Variants in PKHD1 observed in about 807,000 individuals in gnomAD.
PKHD1 encodes fibrocystin.
A neutral mutation model predicts 412.0 loss-of-function variants in PKHD1; 291 were observed. The observed-to-expected ratio is 0.71, with a 90% CI of 0.64 to 0.78. The LOEUF (loss-of-function observed/expected upper bound fraction) is 0.78, where lower values mean the gene tolerates loss of function less well. PKHD1 is among the 30% of genes least tolerant of loss of function. PKHD1 has a pLI of 0.00. For missense variants in PKHD1, 4,825 were observed against 4,950.7 expected, an observed-to-expected ratio of 0.97 and a Z score of 0.76; for synonymous variants, 1,777 against 1,821.5, an observed-to-expected ratio of 0.98 and a Z score of 0.62.
At chr6:51,868,140 A>G in intron 47 of PKHD1, 31 bp from the exon 48 acceptor site, 1 of 1,579,866 alleles carries the variant, frequency 6.3e-7, no homozygotes, top group South Asian at 1.1e-5. Flanking sequence ...AGATTATTAC[A>G]CAATGGCACA....
chr6:52,009,895 G>A (rs534767137), intron 35 of PKHD1, among the ~76,000 whole-genome samples: 15 of 151,900 alleles, frequency 9.9e-5, no homozygotes, highest in Non-Finnish European at 2.1e-4. Context: ...GAGATGAACC[G>A]AATGGACCTG....
At chr6:51,811,891 A>G (rs115238768) in intron 52 of PKHD1, among the ~76,000 whole-genome samples, 2,924 of 152,302 alleles carry the variant, frequency 0.019, 93 homozygotes, top group African/African-American at 0.067. Context: ...TTTGCTTTGT[A>G]TATTTTTACA....
intron 52 of PKHD1, among the ~76,000 whole-genome samples, chr6:51,822,632 A>C (rs1766637235): frequency 6.6e-6 from 1 of 152,130 alleles, no homozygotes; most frequent in South Asian, 2.1e-4. Context: ...CCAGATTCTC[A>C]ATTGGCCTTC....
rs114975628 is a variant in PKHD1, at chr6:51,964,979, C to A, written c.5752-4953G>T. Among the ~76,000 whole-genome samples the A allele has an allele frequency of 2.9e-3, 446 of 152,042 alleles. 3 individuals carry two copies. The highest frequency in any genetic ancestry group is 0.01 in the African/African-American group (430 of 41,470). On this transcript the variant is annotated intron_variant, in intron 35 of 66. Coordinates refer to ENST00000371117, the MANE Select transcript of PKHD1 (RefSeq NM_138694.4). ...GTTTTTATTCCTTGCTATTTTTCCC[C>A]CAAATAGCTAACTGATTGTCTTCAT...
intron 50 of PKHD1, among the ~76,000 whole-genome samples, chr6:51,844,229 A>G (rs1770749194): frequency 6.6e-6 from 1 of 152,210 alleles, no homozygotes; most frequent in South Asian, 2.1e-4. Flanking sequence ...AAACAAAGCC[A>G]CTGAGGCATG....
At position 51,825,135 on chromosome 6, in the gene PKHD1, G is replaced by A. The variant is rs546542227; in HGVS notation, c.8302+5726C>T. Among the ~76,000 whole-genome samples the A allele has an allele frequency of 3.3e-5, 5 of 152,246 alleles. No homozygotes were observed. In the South Asian group the frequency reaches 8.3e-4, roughly 25 times the overall value. ...CTAAAGCACTTTTTGAATTAAGTCA[G>A]GTACATCTGCTTTTAATTACATACA... On this transcript the variant is annotated intron_variant, in intron 52 of 66. Coordinates refer to ENST00000371117, the MANE Select transcript of PKHD1 (RefSeq NM_138694.4).
intron 60 of PKHD1, among the ~76,000 whole-genome samples, chr6:51,676,008 G>A (rs1357845700): frequency 4.6e-5 from 7 of 152,068 alleles, no homozygotes; most frequent in Admixed American, 2.0e-4. Flanking sequence ...AGCTACAGAC[G>A]TAGAAACCAA....
chr6:51,939,501 T>C (rs1188118894), intron 36 of PKHD1, among the ~76,000 whole-genome samples: 1 of 151,452 alleles, frequency 6.6e-6, no homozygotes, highest in African/African-American at 2.4e-5. Flanking sequence ...CCTAAATGCC[T>C]TATTTTCTTC....
chr6:51,988,692 T>A (rs1221053600), intron 35 of PKHD1, among the ~76,000 whole-genome samples: 1 of 152,142 alleles, frequency 6.6e-6, no homozygotes, highest in Non-Finnish European at 1.5e-5. Context: ...CACCTGTAGA[T>A]CCATTTAAAA....
At chr6:51,654,042 A>AT (rs1771401765) in intron 61 of PKHD1, among the ~76,000 whole-genome samples, 1 of 152,154 alleles carries the variant, frequency 6.6e-6, no homozygotes, top group Non-Finnish European at 1.5e-5. Flanking sequence ...AAGAGATTTA[A>AT]TTCAAGATAT....
intron 36 of PKHD1, among the ~76,000 whole-genome samples, chr6:51,940,000 C>A (rs1273965627): frequency 6.6e-6 from 1 of 151,580 alleles, no homozygotes; most frequent in Non-Finnish European, 1.5e-5. Flanking sequence ...GAGCTAAAGG[C>A]ATAGTCAAGG....
At position 52,056,745 on chromosome 6, in the gene PKHD1, A is replaced by G. The variant is rs1208732799; in HGVS notation, c.1646T>C (p.Leu549Pro). Residue 549 changes from leucine (L) to proline (P), a missense_variant, in exon 18 of 67, where the codon CTG becomes CCG. Coordinates refer to ENST00000371117, the MANE Select transcript of PKHD1 (RefSeq NM_138694.4). ...AAGGATGTTAGACCAAAGGGGTTCC[A>G]GTTTGCATTTTACTGCAAGTAACTC... is the stretch of plus-strand genomic sequence containing the variant. ...IEELLAVKCK[L>P]EPLWSNILLR... 1 of 1,613,978 alleles carries G rather than the reference A, an allele frequency of 6.2e-7. No individual in the cohort carries two copies.
chr6:51,937,599 CCAAGCCATATGCCATCAGTAATAGT>C (rs1454012168), intron 36 of PKHD1, among the ~76,000 whole-genome samples: 1 of 152,138 alleles, frequency 6.6e-6, no homozygotes, highest in African/African-American at 2.4e-5. Context: ...ATTCTAAAGC[CCAAGCCATATGCCATCAGTAATAGT>C]CACGGGATGT....
At chr6:51,830,014 A>G (rs559066086) in intron 52 of PKHD1, among the ~76,000 whole-genome samples, 4 of 152,304 alleles carry the variant, frequency 2.6e-5, no homozygotes, top group East Asian at 1.9e-4. Context: ...TAGTTGGTAC[A>G]TGGAAAACAG....
intron 1 of PKHD1, among the ~76,000 whole-genome samples, chr6:52,086,923 T>A (rs1464389933): frequency 2.0e-5 from 3 of 152,208 alleles, no homozygotes; most frequent in Admixed American, 1.3e-4. Flanking sequence ...GACTTGCTTG[T>A]TACACAGACA....
intron 55 of PKHD1, among the ~76,000 whole-genome samples, chr6:51,763,721 T>C (rs1188866936): frequency 1.3e-5 from 2 of 152,202 alleles, no homozygotes; most frequent in East Asian, 3.9e-4. Context: ...GTTTATCTCC[T>C]GCCTTTAAAT....
At chr6:51,756,029 C>T (rs1246046972) in intron 55 of PKHD1, among the ~76,000 whole-genome samples, 1 of 151,988 alleles carries the variant, frequency 6.6e-6, no homozygotes, top group Non-Finnish European at 1.5e-5. Context: ...TAGTATTAAG[C>T]CCCTAAAAGG....
At chr6:51,916,890 TAACC>T (rs1470540279) in intron 37 of PKHD1, among the ~76,000 whole-genome samples, 1 of 152,150 alleles carries the variant, frequency 6.6e-6, no homozygotes, top group Non-Finnish European at 1.5e-5. Flanking sequence ...GTTGACCTGT[TAACC>T]AACAAACTAC....
chr6:51,703,748 A>G (rs147554374), intron 60 of PKHD1, among the ~76,000 whole-genome samples: 73 of 152,154 alleles, frequency 4.8e-4, no homozygotes, highest in African/African-American at 1.5e-3. Context: ...GATTGATGAC[A>G]TATTAAAGAA....
Sources: gnomAD v4.1 joint callset for allele counts (sites outside exome capture counted in the v4.1 genomes callset) on GRCh38, gnomAD v4.1.1 for gene constraint, MANE v1.5 for transcripts, NCBI Gene and HGNC (gene_info 2026-07-23, HGNC 2026-07-21) for gene names.